Variants in UNC80 observed in about 807,000 individuals in gnomAD.
UNC80 encodes the protein protein unc-80 homolog.
Under a neutral mutation model 384.6 loss-of-function variants are expected in UNC80, and 164 were observed. The ratio of observed to expected loss-of-function variants is 0.43; its 90% confidence interval spans 0.38 to 0.49. UNC80 has a LOEUF of 0.49. Among genes scored for constraint, UNC80 ranks in the 20% least tolerant of loss-of-function variants. UNC80 has a pLI of 0.00. For missense variants in UNC80, 3,330 were observed against 4,143.0 expected, an observed-to-expected ratio of 0.80 and a Z score of 5.39; for synonymous variants, 1,486 against 1,527.8, an observed-to-expected ratio of 0.97 and a Z score of 0.64.
chr2:209,922,799 G>C (rs2090142889), intron 35 of UNC80, among the ~76,000 whole-genome samples: 1 of 136,428 alleles, frequency 7.3e-6, no homozygotes, highest in South Asian at 2.1e-4. Context: ...ACTAGTTTTT[G>C]TTTTTGTTTT....
chr2:209,937,710 A>T, intron 42 of UNC80, 80 bp downstream of exon 42: 3 of 1,080,682 alleles, frequency 2.8e-6, no homozygotes, highest in Non-Finnish European at 4.2e-6. Context: ...GCCAACTTTG[A>T]GATTTTATGA....
chr2:209,776,171 A>G (rs2076849893), intron 3 of UNC80, 126 bp downstream of exon 3: 1 of 1,215,366 alleles, frequency 8.2e-7, no homozygotes, highest in South Asian at 2.0e-5. Flanking sequence ...TCATTTAATT[A>G]TCACAAAATC....
rs1438667637 is a variant in UNC80, at chr2:209,996,918, T to C, written c.*1323T>C. The C allele has an allele frequency of 2.6e-5, 4 of 152,144 alleles. No homozygotes were observed. Among genetic ancestry groups the C allele is most frequent in the East Asian group, 3.8e-4 (2 of 5,198 alleles). The allele number at this position is 152,144 out of a possible 1,614,324, so 9.4% of individuals were successfully genotyped here. A position where few individuals can be genotyped will look rare whatever the true frequency, so the allele number is the denominator to read the frequency against. On this transcript the variant is annotated 3_prime_UTR_variant, in exon 65 of 65. Coordinates refer to ENST00000673920, the MANE Select transcript of UNC80 (RefSeq NM_001371986.1). ...CGTGCGTGTGTGTGTGTATGTGTTG[T>C]AGTCCTCAAGATGAAGTTAAATATA...
rs189349413 is a variant in UNC80, at chr2:209,989,437, A to T, written c.9315-2729A>T. On this transcript the variant is annotated intron_variant, in intron 61 of 64. Coordinates refer to ENST00000673920, the MANE Select transcript of UNC80 (RefSeq NM_001371986.1). The stretch of plus-strand genomic sequence containing the variant: ...GTCTCAACTTTTCAGAGCATGAAAT[A>T]CACATTTCACTTATCTGAAAGGATT... Among the ~76,000 whole-genome samples, 330 of 152,318 alleles carry T rather than the reference A, an allele frequency of 2.2e-3. 3 individuals are homozygous for T. Among genetic ancestry groups the T allele is most frequent in the Admixed American group, 0.019 (293 of 15,296 alleles).
chr2:209,924,182 T>A (rs1037238186), intron 35 of UNC80, among the ~76,000 whole-genome samples: 3 of 152,210 alleles, frequency 2.0e-5, no homozygotes, highest in African/African-American at 7.2e-5. Flanking sequence ...ATATGTCTCA[T>A]AAGTTTTTAT....
At chr2:209,967,902 TA>T in intron 52 of UNC80, 1 of 312,626 alleles carries the variant, frequency 3.2e-6, no homozygotes, top group Non-Finnish European at 5.9e-6. Flanking sequence ...CTGACACATA[TA>T]AAAATTTCAA....
At chr2:209,827,054 T>G (rs2080579932) in intron 14 of UNC80, among the ~76,000 whole-genome samples, 1 of 152,114 alleles carries the variant, frequency 6.6e-6, no homozygotes, top group Non-Finnish European at 1.5e-5. Context: ...GTTATTTTAG[T>G]TTATTATGTT....
intron 48 of UNC80, among the ~76,000 whole-genome samples, chr2:209,956,902 A>C (rs187281038): frequency 2.0e-5 from 3 of 152,346 alleles, no homozygotes; most frequent in African/African-American, 7.2e-5. Flanking sequence ...GATCGTTAAA[A>C]GCTTACTTTC....
chr2:209,823,229 G>A (rs1298516367), intron 13 of UNC80, among the ~76,000 whole-genome samples: 1 of 152,280 alleles, frequency 6.6e-6, no homozygotes, highest in Admixed American at 6.5e-5. Flanking sequence ...CTTTCTGAAT[G>A]TCTCCTATGA....
chr2:209,786,186 A>G lies in UNC80; in HGVS notation c.721A>G (p.Thr241Ala), dbSNP rs200203789. 4.3e-6 allele frequency: 7 copies of G among 1,613,716 alleles called. No homozygotes were observed. In the African/African-American group the frequency reaches 6.7e-5, roughly 15 times the overall value. ...GGTGAAGCCCATCAGGAACATCATT[A>G]CAGGTTTGTAACTTGGACACTCAGT... ...ALVKPIRNII[T>A]AKRSSPINSQ... Residue 241 changes from threonine to alanine, a missense_variant, in exon 5 of 65, where the codon ACA becomes GCA. By Grantham distance (58) the Thr-to-Ala change is moderately conservative (BLOSUM62 0). Coordinates refer to ENST00000673920, the MANE Select transcript of UNC80 (RefSeq NM_001371986.1).
chr2:209,815,426 G>A (rs1203565530), intron 9 of UNC80, 35 bp downstream of exon 9: 4 of 1,537,290 alleles, frequency 2.6e-6, no homozygotes, highest in South Asian at 1.2e-5. Flanking sequence ...TGATATTTTG[G>A]TAAATAAAAA....
At chr2:209,841,949 C>G (rs984611911) in intron 20 of UNC80, among the ~76,000 whole-genome samples, 8 of 152,254 alleles carry the variant, frequency 5.3e-5, no homozygotes, top group African/African-American at 1.9e-4. Flanking sequence ...TATACTGATT[C>G]TTTCACAGAG....
At chr2:209,840,186 G>A (rs2081632117) in intron 19 of UNC80, among the ~76,000 whole-genome samples, 1 of 151,878 alleles carries the variant, frequency 6.6e-6, no homozygotes, top group Non-Finnish European at 1.5e-5. Flanking sequence ...AGTAGGTGAG[G>A]TATAAGTAAA....
intron 13 of UNC80, among the ~76,000 whole-genome samples, chr2:209,822,890 A>G (rs1244296111): frequency 6.6e-6 from 1 of 152,200 alleles, no homozygotes; most frequent in Non-Finnish European, 1.5e-5. Context: ...GTGGTCTCCA[A>G]TACAGCCACC....
chr2:209,880,800 T>C (rs995406151), intron 24 of UNC80, among the ~76,000 whole-genome samples, 161 bp from the exon 25 acceptor site: 6 of 152,206 alleles, frequency 3.9e-5, no homozygotes, highest in Admixed American at 6.5e-5. Context: ...CTTACATAGA[T>C]ATAGATGAAG....
chr2:209,865,294 T>C (rs1271298434), intron 22 of UNC80, among the ~76,000 whole-genome samples: 3 of 151,948 alleles, frequency 2.0e-5, no homozygotes, highest in Non-Finnish European at 2.9e-5. Context: ...ATTCCTTTAC[T>C]CTTCCCTCAA....
rs199648888 is a variant in UNC80, at chr2:209,954,074, C to T, written c.7287-26C>T. The T allele has an allele frequency of 6.9e-4, 1,059 of 1,536,126 alleles. 7 individuals are homozygous for T. Among genetic ancestry groups the T allele is most frequent in the Middle Eastern group, 2.1e-4 (1 of 4,748 alleles). On this transcript the variant is annotated intron_variant, in intron 47 of 64. Transcript: ENST00000673920. The stretch of plus-strand genomic sequence containing the variant: ...AACAAAAGTAGAATGTAAAAGGTGA[C>T]TCGGTTTTCTTTCTGTCGCTTAAAG...
intron 22 of UNC80, among the ~76,000 whole-genome samples, chr2:209,851,244 T>C (rs1035615866): frequency 6.6e-6 from 1 of 152,070 alleles, no homozygotes; most frequent in East Asian, 1.9e-4. Flanking sequence ...GTGGAAGATA[T>C]CAGACACCAC....
At chr2:209,888,059 A>T in intron 25 of UNC80, 36 bp from the exon 26 acceptor site, 1 of 1,547,130 alleles carries the variant, frequency 6.5e-7, no homozygotes. Context: ...TGCTGGGGAG[A>T]TGCCAGCACT....
Sources: gnomAD v4.1 joint callset for allele counts (sites outside exome capture counted in the v4.1 genomes callset) on GRCh38, gnomAD v4.1.1 for gene constraint, MANE v1.5 for transcripts, NCBI Gene and HGNC (gene_info 2026-07-23, HGNC 2026-07-21) for gene names.